The following OTUD7B variants were observed in gnomAD, a reference collection of about 807,000 sequenced individuals.
OTUD7B encodes the protein OTU domain-containing protein 7B.
Under a neutral mutation model 82.2 loss-of-function variants are expected in OTUD7B, and 34 were observed. The observed-to-expected ratio is 0.41, with a 90% CI of 0.31 to 0.55. The LOEUF (loss-of-function observed/expected upper bound fraction) is 0.55. Among genes scored for constraint, OTUD7B ranks in the 20% least tolerant of loss-of-function variants. The pLI is 0.20. For missense variants in OTUD7B, 944 were observed against 1,062.1 expected (o/e 0.89, Z 1.55); for synonymous variants, 398 against 402.7 (o/e 0.99, Z 0.14).
chr1:150,042,860 T>C, the OTUD7B span, among the ~76,000 whole-genome samples: 1 of 152,158 alleles, frequency 6.6e-6, no homozygotes, highest in Non-Finnish European at 1.5e-5. Flanking sequence ...TATGTCTATA[T>C]AGTAGTTATA....
the OTUD7B span, among the ~76,000 whole-genome samples, chr1:150,042,967 T>C: frequency 6.6e-6 from 1 of 152,208 alleles, no homozygotes; most frequent in Non-Finnish European, 1.5e-5. Context: ...CATATTAAAA[T>C]AGATAACATT....
At chr1:150,055,877 C>T in the OTUD7B span, among the ~76,000 whole-genome samples, 838 of 152,058 alleles carry the variant, frequency 5.5e-3, 4 homozygotes, top group African/African-American at 0.019. Flanking sequence ...ACACTGGGGC[C>T]CACTTGAGGG....
At chr1:150,056,042 T>A in the OTUD7B span, among the ~76,000 whole-genome samples, 1 of 152,022 alleles carries the variant, frequency 6.6e-6, no homozygotes, top group Non-Finnish European at 1.5e-5. Flanking sequence ...AAAATAAAAG[T>A]TTAAATAAAT....
At position 149,944,484 on chromosome 1, in the gene OTUD7B, A is replaced by C. The variant is rs1553771465; in HGVS notation, c.1905T>G (p.Ala635=). The C allele has an allele frequency of 6.2e-7, 1 of 1,613,924 alleles. No homozygotes were observed. The highest frequency in any genetic ancestry group is 1.3e-5 in the African/African-American group (1 of 74,856). Residue 635 remains alanine, a synonymous_variant, in exon 12 of 12, where the codon GCT becomes GCG. Coordinates refer to ENST00000581312, the MANE Select transcript of OTUD7B (RefSeq NM_020205.4). ...EEMIQRYLSD[A]EERFLAEQKQ... The stretch of plus-strand genomic sequence containing the variant: ...TCTGTTCTGCCAGGAATCTCTCCTC[A>C]GCATCAGAAAGGTAGCGCTGGATCA...
At chr1:149,978,235 G>C (rs587627598) in intron 1 of OTUD7B, among the ~76,000 whole-genome samples, 3 of 152,152 alleles carry the variant, frequency 2.0e-5, no homozygotes, top group African/African-American at 7.2e-5. Context: ...GGCCAGGTGC[G>C]GTGGCTCACG....
upstream of OTUD7B, among the ~76,000 whole-genome samples, chr1:150,013,060 A>T (rs1182238193): frequency 6.6e-6 from 1 of 152,198 alleles, no homozygotes; most frequent in East Asian, 1.9e-4. Context: ...CAGCTGTTTA[A>T]TGTAGACATT....
At chr1:149,955,702 C>T (rs1553774421) in intron 7 of OTUD7B, among the ~76,000 whole-genome samples, 1 of 151,844 alleles carries the variant, frequency 6.6e-6, no homozygotes, top group African/African-American at 2.4e-5. Context: ...TCTCTAAGGA[C>T]TTGCTTTATG....
chr1:149,977,299 T>C (rs1370913667), intron 2 of OTUD7B, 127 bp downstream of exon 2: 8 of 675,630 alleles, frequency 1.2e-5, no homozygotes, highest in Non-Finnish European at 2.1e-5. Flanking sequence ...AGTATATCAT[T>C]AGAATTAACT....
rs115425957 is a variant in OTUD7B, at chr1:149,969,656, G to A, written c.274+1407C>T. Among the ~76,000 whole-genome samples, 582 of 152,220 alleles carry A rather than the reference G, an allele frequency of 3.8e-3. 6 individuals carry two copies. Among genetic ancestry groups the A allele is most frequent in the African/African-American group, 0.013 (552 of 41,522 alleles). ...TAAAATCATCTTTTAAAACGCAAAT[G>A]AGAGTATACTACATACATTGCATTG... On this transcript the variant is annotated intron_variant, in intron 3 of 11. Coordinates refer to ENST00000581312, the MANE Select transcript of OTUD7B (RefSeq NM_020205.4).
the OTUD7B span, among the ~76,000 whole-genome samples, chr1:150,043,653 A>G: frequency 0.15 from 22,709 of 152,080 alleles, 1,864 homozygotes; most frequent in African/African-American, 0.18. Flanking sequence ...CTAGTTGATC[A>G]CTACATTCCC....
chr1:150,057,000 T>G, the OTUD7B span, among the ~76,000 whole-genome samples: 1 of 152,182 alleles, frequency 6.6e-6, no homozygotes, highest in East Asian at 1.9e-4. Flanking sequence ...ATAGTAATTT[T>G]ACAGTGGAGA....
chr1:150,041,733 T>G, the OTUD7B span, among the ~76,000 whole-genome samples: 1 of 152,218 alleles, frequency 6.6e-6, no homozygotes, highest in East Asian at 1.9e-4. Flanking sequence ...ATAATCAGAT[T>G]TTTAGTACAC....
intron 1 of OTUD7B, among the ~76,000 whole-genome samples, chr1:149,988,071 T>G (rs587643028): frequency 6.6e-6 from 1 of 152,312 alleles, no homozygotes; most frequent in South Asian, 2.1e-4. Flanking sequence ...ATTATCTATT[T>G]TTTTGATTAT....
the OTUD7B span, among the ~76,000 whole-genome samples, chr1:150,035,715 A>T: frequency 2.0e-5 from 3 of 152,192 alleles, no homozygotes; most frequent in African/African-American, 7.2e-5. Flanking sequence ...CCAAACCTGC[A>T]GAGTAGCTAA....
chr1:150,003,804 CT>C (rs1652466837), intron 1 of OTUD7B, among the ~76,000 whole-genome samples: 1 of 152,178 alleles, frequency 6.6e-6, no homozygotes, highest in Admixed American at 6.5e-5. Flanking sequence ...TATTAATTCT[CT>C]TGGCTACAGC....
chr1:150,034,949 C>T, the OTUD7B span, among the ~76,000 whole-genome samples: 2 of 151,828 alleles, frequency 1.3e-5, no homozygotes, highest in Non-Finnish European at 2.9e-5. Flanking sequence ...TTGAGACCAC[C>T]CTGGCTAACA....
the OTUD7B span, among the ~76,000 whole-genome samples, chr1:150,062,708 C>CTTTTTTTTTTTTTTTTTTTTTTTTTTT: frequency 4.2e-5 from 4 of 96,052 alleles, no homozygotes; most frequent in East Asian, 3.1e-4. Flanking sequence ...CTTCTTCTTT[C>CTTTTTTTTTTTTTTTTTTTTTTTTTTT]TTTTTTTTTT....
chr1:149,997,300 T>G (rs781856382), intron 1 of OTUD7B, among the ~76,000 whole-genome samples: 59 of 152,336 alleles, frequency 3.9e-4, no homozygotes, highest in Middle Eastern at 3.4e-3. Context: ...TCTAAGGCTA[T>G]TCAACGCTGT....
the OTUD7B span, among the ~76,000 whole-genome samples, chr1:150,024,271 A>T: frequency 6.6e-6 from 1 of 152,216 alleles, no homozygotes; most frequent in African/African-American, 2.4e-5. Flanking sequence ...GTTAAGAATG[A>T]GACCAGGGCA....
Sources: gnomAD v4.1 joint callset for allele counts (sites outside exome capture counted in the v4.1 genomes callset) on GRCh38, gnomAD v4.1.1 for gene constraint, MANE v1.5 for transcripts, NCBI Gene and HGNC (gene_info 2026-07-23, HGNC 2026-07-21) for gene names.